The following ROBO2 variants were observed in gnomAD, a reference collection of about 807,000 sequenced individuals.
The protein encoded by ROBO2 is roundabout homolog 2.
ROBO2 carries 53 observed loss-of-function variants against 160.8 expected under a neutral mutation model. That is an observed-to-expected ratio of 0.33 (90% CI 0.26 to 0.41). ROBO2 has a LOEUF of 0.41. ROBO2 is among the 10% of genes least tolerant of loss of function. ROBO2 has a pLI of 1.00. For missense variants in ROBO2, 1,577 were observed against 1,722.4 expected, an observed-to-expected ratio of 0.92 and a Z score of 1.49; for synonymous variants, 664 against 611.7, an observed-to-expected ratio of 1.09 and a Z score of -1.26.
intron 2 of ROBO2, among the ~76,000 whole-genome samples, chr3:77,367,965 T>G (rs980814058): frequency 2.0e-5 from 3 of 152,170 alleles, no homozygotes; most frequent in African/African-American, 7.2e-5. Flanking sequence ...CATCTAAGAA[T>G]TTTAACTTAT....
At chr3:76,505,113 A>T (rs1290315245) in intron 2 of ROBO2, among the ~76,000 whole-genome samples, 1 of 152,228 alleles carries the variant, frequency 6.6e-6, no homozygotes, top group Non-Finnish European at 1.5e-5. Context: ...CAGTATCAAT[A>T]TAAAGTTGAG....
At chr3:76,577,246 C>G (rs1466075758) in intron 2 of ROBO2, among the ~76,000 whole-genome samples, 1 of 151,956 alleles carries the variant, frequency 6.6e-6, no homozygotes, top group Non-Finnish European at 1.5e-5. Context: ...GGAAATAATA[C>G]TTTGAGGAAG....
intron 2 of ROBO2, among the ~76,000 whole-genome samples, chr3:77,453,815 G>A (rs896362672): frequency 2.6e-5 from 4 of 151,934 alleles, no homozygotes; most frequent in South Asian, 2.1e-4. Flanking sequence ...AGCAATTATG[G>A]GATTAATTTT....
intron 2 of ROBO2, among the ~76,000 whole-genome samples, chr3:76,251,095 G>A (rs1015338315): frequency 6.6e-6 from 1 of 151,922 alleles, no homozygotes; most frequent in Non-Finnish European, 1.5e-5. Flanking sequence ...CTTATCAGTG[G>A]CACCCTTCCT....
At chr3:77,399,314 A>T (rs989601258) in intron 2 of ROBO2, among the ~76,000 whole-genome samples, 1 of 152,216 alleles carries the variant, frequency 6.6e-6, no homozygotes, top group Admixed American at 6.5e-5. Context: ...TGCAGATAGG[A>T]TGCCCAATGC....
At chr3:76,606,882 T>C (rs1220385054) in intron 2 of ROBO2, among the ~76,000 whole-genome samples, 2 of 152,074 alleles carry the variant, frequency 1.3e-5, no homozygotes, top group Non-Finnish European at 2.9e-5. Context: ...ATAAGAATCA[T>C]TATGGTGTGT....
At position 76,445,318 on chromosome 3, in the gene ROBO2, G is replaced by C. The variant is rs535256828; in HGVS notation, c.109+507716G>C. The stretch of plus-strand genomic sequence containing the variant: ...AGTGTGTATTTTCTAACTTCAAATG[G>C]TATAGTCACTTGAAATTGAGAGGGA... On this transcript the variant is annotated intron_variant, in intron 2 of 26. Transcript: ENST00000487694. Among the ~76,000 whole-genome samples the C allele has an allele frequency of 3.9e-5, 6 of 152,240 alleles. No homozygotes were observed. The South Asian group carries it at 1.2e-3, about 32-fold the overall frequency.
chr3:76,275,943 A>C (rs748677724), intron 2 of ROBO2, among the ~76,000 whole-genome samples: 14 of 152,072 alleles, frequency 9.2e-5, no homozygotes, highest in Non-Finnish European at 1.6e-4. Flanking sequence ...ACTTTTAAAA[A>C]TTGTTTTTTA....
intron 2 of ROBO2, among the ~76,000 whole-genome samples, chr3:76,925,680 CA>C (rs1295659679): frequency 1.3e-5 from 2 of 152,118 alleles, no homozygotes; most frequent in Admixed American, 1.3e-4. Flanking sequence ...CAGATGGGGT[CA>C]GGGGAGCTGA....
At chr3:76,068,645 C>T (rs1401027115) in intron 2 of ROBO2, among the ~76,000 whole-genome samples, 6 of 152,058 alleles carry the variant, frequency 3.9e-5, no homozygotes, top group Non-Finnish European at 7.4e-5. Context: ...AATACCTTTC[C>T]ATATTCTACA....
intron 2 of ROBO2, among the ~76,000 whole-genome samples, chr3:76,544,043 T>C (rs2108267958): frequency 6.6e-6 from 1 of 152,190 alleles, no homozygotes; most frequent in Middle Eastern, 3.4e-3. Context: ...TTTATTAGCA[T>C]TTTAGACACT....
At chr3:77,273,086 G>A (rs570264493) in intron 2 of ROBO2, among the ~76,000 whole-genome samples, 1 of 152,250 alleles carries the variant, frequency 6.6e-6, no homozygotes, top group East Asian at 1.9e-4. Context: ...TACCCAATAC[G>A]TAGTTTTTCA....
At chr3:76,028,969 T>C (rs2066830958) in intron 2 of ROBO2, among the ~76,000 whole-genome samples, 1 of 152,086 alleles carries the variant, frequency 6.6e-6, no homozygotes, top group Admixed American at 6.6e-5. Context: ...GCTATGAGCA[T>C]ATTTGCCAAA....
At chr3:76,412,098 C>T (rs371505112) in intron 2 of ROBO2, among the ~76,000 whole-genome samples, 17 of 152,038 alleles carry the variant, frequency 1.1e-4, no homozygotes, top group East Asian at 3.9e-4. Flanking sequence ...TCTGACATGG[C>T]GGTGGCAAGA....
At chr3:75,979,861 G>A (rs2065229825) in intron 2 of ROBO2, among the ~76,000 whole-genome samples, 2 of 151,546 alleles carry the variant, frequency 1.3e-5, no homozygotes, top group Non-Finnish European at 3.0e-5. Context: ...TATTTAGGAA[G>A]TGTGCCATTT....
At chr3:76,983,840 G>A (rs2060227833) in intron 2 of ROBO2, among the ~76,000 whole-genome samples, 1 of 152,164 alleles carries the variant, frequency 6.6e-6, no homozygotes, top group Non-Finnish European at 1.5e-5. Flanking sequence ...GGTAAAGCTG[G>A]TGTATTAGTC....
intron 2 of ROBO2, among the ~76,000 whole-genome samples, chr3:76,828,863 CT>C (rs2066812483): frequency 6.6e-6 from 1 of 151,898 alleles, no homozygotes; most frequent in African/African-American, 2.4e-5. Context: ...TTTTGTACCT[CT>C]TTTTACAGAC....
chr3:76,351,874 A>G lies in ROBO2; in HGVS notation c.109+414272A>G, dbSNP rs995440000. On this transcript the variant is annotated intron_variant, in intron 2 of 26. Coordinates refer to the ROBO2 transcript ENST00000487694. ...AAAAGAGGGATATGCTAGCAACCCT[A>G]TAGTATTGTTGTGAAGGTAAAATCA... Among the ~76,000 whole-genome samples the G allele has an allele frequency of 8.6e-4, 130 of 152,012 alleles. 1 individual carries two copies. The highest frequency in any genetic ancestry group is 3.0e-3 in the African/African-American group (123 of 41,414).
intron 2 of ROBO2, among the ~76,000 whole-genome samples, chr3:76,648,514 A>G (rs1320099068): frequency 6.6e-6 from 1 of 152,148 alleles, no homozygotes; most frequent in African/African-American, 2.4e-5. Flanking sequence ...TGGGCTGTCT[A>G]TTCAATAATA....
Sources: gnomAD v4.1 joint callset for allele counts (sites outside exome capture counted in the v4.1 genomes callset) on GRCh38, gnomAD v4.1.1 for gene constraint, MANE v1.5 for transcripts, NCBI Gene and HGNC (gene_info 2026-07-23, HGNC 2026-07-21) for gene names.